The following PDE3A variants were observed in gnomAD, a reference collection of about 807,000 sequenced individuals.
The protein encoded by PDE3A is cGMP-inhibited 3',5'-cyclic phosphodiesterase 3A.
A neutral mutation model predicts 98.3 loss-of-function variants in PDE3A; 43 were observed. The ratio of observed to expected loss-of-function variants is 0.44; its 90% CI spans 0.34 to 0.56. PDE3A has a LOEUF of 0.56. Among genes scored for constraint, PDE3A ranks in the 20% least tolerant of loss-of-function variants. The probability of loss-of-function intolerance (pLI) is 0.01; values close to 1 mark genes in which losing one functional copy is unlikely to be tolerated. For missense variants in PDE3A, 1,427 were observed against 1,440.7 expected (o/e 0.99, Z 0.15); for synonymous variants, 663 against 567.9 (o/e 1.17, Z -2.38).
chr12:20,572,171 G>T, intron 2 of PDE3A: 1 of 1,236,882 alleles, frequency 8.1e-7, no homozygotes, highest in Non-Finnish European at 1.1e-6. Context: ...ACTGGGAAAA[G>T]GTATGAATAA....
chr12:20,490,269 C>T (rs2121042596), intron 1 of PDE3A, among the ~76,000 whole-genome samples: 1 of 152,214 alleles, frequency 6.6e-6, no homozygotes, highest in Non-Finnish European at 1.5e-5. Context: ...TCTTGGTTGC[C>T]ATTTAAAAAT....
At chr12:20,476,135 A>G (rs1334269691) in intron 1 of PDE3A, among the ~76,000 whole-genome samples, 2 of 152,230 alleles carry the variant, frequency 1.3e-5, no homozygotes, top group Non-Finnish European at 2.9e-5. Context: ...GAGATATAAA[A>G]GAAAGATTTT....
intron 1 of PDE3A, among the ~76,000 whole-genome samples, chr12:20,422,298 C>T (rs939717975): frequency 2.6e-5 from 4 of 151,746 alleles, no homozygotes; most frequent in East Asian, 3.9e-4. Context: ...GAGCCAAGAT[C>T]GCACCACTGC....
At chr12:20,561,948 C>A (rs1251212317) in intron 2 of PDE3A, among the ~76,000 whole-genome samples, 4 of 152,154 alleles carry the variant, frequency 2.6e-5, no homozygotes, top group Non-Finnish European at 5.9e-5. Context: ...TCACTCATAG[C>A]TTTCTGGCTG....
chr12:20,427,607 G>C (rs147501901), intron 1 of PDE3A, among the ~76,000 whole-genome samples: 205 of 152,192 alleles, frequency 1.3e-3, no homozygotes, highest in African/African-American at 4.6e-3. Context: ...AATTTCAGCA[G>C]TTTGTATAAC....
intron 1 of PDE3A, among the ~76,000 whole-genome samples, chr12:20,483,389 A>G (rs1945667597): frequency 1.3e-5 from 2 of 152,308 alleles, no homozygotes; most frequent in African/African-American, 4.8e-5. Context: ...CTCCATCTCA[A>G]CAAAAACAAA....
chr12:20,511,043 T>G (rs547566902), intron 1 of PDE3A, among the ~76,000 whole-genome samples: 1 of 152,164 alleles, frequency 6.6e-6, no homozygotes, highest in African/African-American at 2.4e-5. Context: ...ACTTCTCCAC[T>G]GCAACAACTA....
At chr12:20,436,770 A>G (rs796570230) in intron 1 of PDE3A, among the ~76,000 whole-genome samples, 6 of 152,298 alleles carry the variant, frequency 3.9e-5, no homozygotes, top group African/African-American at 1.4e-4. Flanking sequence ...GGGAGGCTTA[A>G]ATCCTTAATA....
chr12:20,454,756 T>G (rs1945126151), intron 1 of PDE3A, among the ~76,000 whole-genome samples: 1 of 152,210 alleles, frequency 6.6e-6, no homozygotes, highest in African/African-American at 2.4e-5. Flanking sequence ...GTTAGTTTGC[T>G]AAGGATAATG....
chr12:20,562,997 C>T (rs532778233), intron 2 of PDE3A, among the ~76,000 whole-genome samples: 2 of 152,106 alleles, frequency 1.3e-5, no homozygotes, highest in Non-Finnish European at 2.9e-5. Context: ...TATTTTGGAG[C>T]AGGTCTTTAG....
chr12:20,373,362 G>A (rs1184468127), intron 1 of PDE3A, among the ~76,000 whole-genome samples: 3 of 151,964 alleles, frequency 2.0e-5, no homozygotes, highest in Non-Finnish European at 2.9e-5. Context: ...CTGTGCCCTC[G>A]GCCCGAAACA....
intron 1 of PDE3A, among the ~76,000 whole-genome samples, chr12:20,496,279 C>T (rs975950363): frequency 1.4e-4 from 21 of 152,162 alleles, no homozygotes; most frequent in Non-Finnish European, 2.9e-4. Context: ...AGCTCAAAAA[C>T]CTGCTATTAT....
At chr12:20,452,037 G>A (rs1348396133) in intron 1 of PDE3A, among the ~76,000 whole-genome samples, 3 of 152,082 alleles carry the variant, frequency 2.0e-5, no homozygotes, top group South Asian at 2.1e-4. Context: ...GCTCTGCTCC[G>A]ATAGGTCTCA....
At chr12:20,539,306 T>C (rs1941836115) in intron 1 of PDE3A, among the ~76,000 whole-genome samples, 1 of 152,188 alleles carries the variant, frequency 6.6e-6, no homozygotes. Context: ...TTTTTAAATT[T>C]TCTTTATAAA....
chr12:20,612,774 T>C (rs1476683824), intron 2 of PDE3A, among the ~76,000 whole-genome samples: 1 of 150,676 alleles, frequency 6.6e-6, no homozygotes, highest in Non-Finnish European at 1.5e-5. Context: ...ATGGCCTCTG[T>C]GTTTTGTGCT....
intron 2 of PDE3A, among the ~76,000 whole-genome samples, chr12:20,612,655 A>G (rs1943891347): frequency 6.9e-6 from 1 of 145,722 alleles, no homozygotes; most frequent in Non-Finnish European, 1.5e-5. Context: ...GTAACTATAT[A>G]TAAGTAATAT....
intron 1 of PDE3A, among the ~76,000 whole-genome samples, chr12:20,410,337 G>GT (rs1944311487): frequency 1.3e-5 from 2 of 152,184 alleles, no homozygotes; most frequent in African/African-American, 4.8e-5. Context: ...CCAAGGGAGA[G>GT]TTAAGTTAGT....
intron 9 of PDE3A, among the ~76,000 whole-genome samples, chr12:20,639,571 T>A (rs1787999104): frequency 6.6e-6 from 1 of 152,086 alleles, no homozygotes; most frequent in Non-Finnish European, 1.5e-5. Context: ...AATGTGAACA[T>A]TCCAATAAAT....
intron 1 of PDE3A, among the ~76,000 whole-genome samples, chr12:20,406,375 C>T (rs1944233985): frequency 6.6e-6 from 1 of 152,120 alleles, no homozygotes; most frequent in Non-Finnish European, 1.5e-5. Context: ...TCCCGTTTTT[C>T]CACACCCTTG....
Sources: allele counts gnomAD v4.1 joint callset (sites outside exome capture counted in the v4.1 genomes callset), GRCh38; gene constraint gnomAD v4.1.1; transcripts MANE v1.5; gene names NCBI Gene and HGNC (gene_info 2026-07-23, HGNC 2026-07-21).